HUWE1: variants seen among roughly 807,000 people sequenced by gnomAD.
HUWE1 encodes the protein HECT, UBA and WWE domain containing E3 ubiquitin protein ligase 1.
In HUWE1, 18 loss-of-function variants were observed where a neutral mutation model predicts 299.4. The observed-to-expected ratio is 0.06, with a 90% CI of 0.04 to 0.09. HUWE1 has a LOEUF of 0.09. HUWE1 is among the 10% of genes least tolerant of loss of function. HUWE1 has a pLI of 1.00. For missense variants in HUWE1, 1,832 were observed against 3,462.3 expected, an observed-to-expected ratio of 0.53 and a Z score of 11.82; for synonymous variants, 1,317 against 1,286.1, an observed-to-expected ratio of 1.02 and a Z score of -0.51.
Position 53,548,951 on chromosome X carries a change from AC to A in HUWE1, c.10035+7del. On this transcript the variant is annotated splice_region_variant and intron_variant, in intron 67 of 83. Transcript: ENST00000262854. ...TCCATCCCCAGGAGTTGGGTTTGAA[AC>A]CCTCACCTTGGCCAATTGAATGAGT... 8.4e-7 allele frequency: 1 copy of A among 1,186,191 alleles called. No individual in the cohort carries two copies. Among genetic ancestry groups the A allele is most frequent in the Non-Finnish European group, 1.1e-6 (1 of 882,021 alleles).
At chrX:53,661,794 T>C (rs782480298) in intron 3 of HUWE1, among the ~76,000 whole-genome samples, 1 of 111,957 alleles carries the variant, frequency 8.9e-6, no homozygotes, top group African/African-American at 3.2e-5. Flanking sequence ...TCAATACTTT[T>C]ATCTAATATT....
chrX:53,608,987 T>A, intron 23 of HUWE1, 78 bp from the exon 24 acceptor site: 1 of 619,397 alleles, frequency 1.6e-6, no homozygotes. Flanking sequence ...AGGCACTGTA[T>A]AAAATTCTAG....
chrX:53,663,867 G>C (rs1480731977), intron 3 of HUWE1, among the ~76,000 whole-genome samples: 3 of 107,041 alleles, frequency 2.8e-5, no homozygotes, highest in African/African-American at 1.0e-4. Flanking sequence ...GTCTGCCACA[G>C]GGTGGGAAAG....
chrX:53,535,496 T>C lies in HUWE1; in HGVS notation c.12537A>G (p.Gln4179=), dbSNP rs782352785. ...GYDLTFSTEV[Q]EFGVCEVRDL... is the part of the protein sequence containing the mutation. ...CACGAACTTCACAAACTCCAAACTC[T>C]TGGACCTAGAACAACCAAAACACCA... The change falls in exon 81 of 84, where the codon CAA becomes CAG. Residue 4179 remains glutamine (Q), a synonymous_variant. Coordinates refer to ENST00000262854, the MANE Select transcript of HUWE1 (RefSeq NM_031407.7). 1 of 1,176,355 alleles carries C rather than the reference T, an allele frequency of 8.5e-7. No individual in the cohort carries two copies. The highest frequency in any genetic ancestry group is 1.2e-6 in the Non-Finnish European group (1 of 863,903).
intron 29 of HUWE1, among the ~76,000 whole-genome samples, chrX:53,596,889 TAA>T (rs1371504327): frequency 8.9e-6 from 1 of 112,454 alleles, no homozygotes; most frequent in Non-Finnish European, 1.9e-5. Context: ...GAATTCAGTG[TAA>T]AGACCATTGT....
intron 29 of HUWE1, among the ~76,000 whole-genome samples, chrX:53,599,227 TCTTG>T (rs1400814108): frequency 2.7e-5 from 3 of 112,555 alleles, no homozygotes; most frequent in South Asian, 3.6e-4. Flanking sequence ...ATGAACATCT[TCTTG>T]CTTGGTCAAT....
At chrX:53,571,406 G>GT (rs1478660633) in intron 47 of HUWE1, among the ~76,000 whole-genome samples, 1 of 111,683 alleles carries the variant, frequency 9.0e-6, no homozygotes, top group African/African-American at 3.3e-5. Context: ...GAGGCCAGAA[G>GT]TTTGAGACCA....
chrX:53,566,033 C>T (rs2062516240), intron 49 of HUWE1, among the ~76,000 whole-genome samples: 2 of 105,452 alleles, frequency 1.9e-5, no homozygotes, highest in Admixed American at 2.1e-4. Context: ...ACCAGGTGCC[C>T]ACTAACACCA....
intron 3 of HUWE1, among the ~76,000 whole-genome samples, chrX:53,668,659 C>G (rs1387591541): frequency 9.0e-6 from 1 of 111,349 alleles, no homozygotes; most frequent in Non-Finnish European, 1.9e-5. Context: ...TTGTGCCCAG[C>G]AAAGAGTAAG....
intron 17 of HUWE1, 43 bp from the exon 18 acceptor site, chrX:53,625,301 T>A: frequency 1.1e-6 from 1 of 912,125 alleles, no homozygotes; most frequent in Non-Finnish European, 1.6e-6. Flanking sequence ...GAGTTCGCCA[T>A]TAAACCACAA....
Position 53,543,958 on chromosome X carries a change from A to G in HUWE1, c.11262T>C (p.Gly3754=), listed in dbSNP as rs781983604. 1.7e-6 allele frequency: 2 copies of G among 1,203,248 alleles called. No individual in the cohort carries two copies. Among genetic ancestry groups the G allele is most frequent in the South Asian group, 1.8e-5 (1 of 55,644 alleles). The stretch of plus-strand genomic sequence containing the variant: ...CCTGGATGCTGCTAGCTGAGCCTAA[A>G]CCGGAGGAACCTGGGAGAAAGAGAA... ...AKQTGRLGSS[G]LGSASSIQAA... Residue 3754 remains glycine, a synonymous_variant, in exon 73 of 84, where the codon GGT becomes GGC. Coordinates refer to ENST00000262854, the MANE Select transcript of HUWE1 (RefSeq NM_031407.7).
intron 12 of HUWE1, among the ~76,000 whole-genome samples, chrX:53,630,259 T>C (rs1211718066): frequency 8.9e-6 from 1 of 112,125 alleles, no homozygotes; most frequent in South Asian, 3.7e-4. Flanking sequence ...AAGAAACTCA[T>C]AGTTTAAGAG....
intron 60 of HUWE1, among the ~76,000 whole-genome samples, chrX:53,556,934 C>T (rs1230913456): frequency 2.7e-5 from 3 of 112,176 alleles, no homozygotes; most frequent in African/African-American, 6.5e-5. Context: ...GGCATTAAAG[C>T]TCCTTGATTT....
intron 55 of HUWE1, among the ~76,000 whole-genome samples, chrX:53,561,203 A>G (rs1345705531): frequency 9.0e-6 from 1 of 110,839 alleles, no homozygotes; most frequent in Non-Finnish European, 1.9e-5. Flanking sequence ...AGTTGTCAAG[A>G]CCTGCCCTAT....
At position 53,560,405 on chromosome X, in the gene HUWE1, G is replaced by A. The variant is rs1383309176; in HGVS notation, c.7519C>T (p.Pro2507Ser). Reference protein sequence around the residue: ...NMFSSATDIPPSPGNIPTTHP... With the variant: ...NMFSSATDIPSSPGNIPTTHP... ...GTGGTAGGGATATTTCCTGGGGATGGGGGGATGTCTGCTGCAAGGACAATA... is the reference window on the plus strand; with the variant it reads ...GTGGTAGGGATATTTCCTGGGGATGAGGGGATGTCTGCTGCAAGGACAATA... The change falls in exon 56 of 84, where the codon CCA (proline) becomes TCA (serine). Residue 2507 changes from proline (P) to serine (S), a missense_variant. Physicochemically the swap from Pro to Ser is moderately conservative, Grantham distance 74. Transcript: ENST00000262854. 3 of 1,207,111 alleles carry A rather than the reference G, an allele frequency of 2.5e-6. No homozygotes were observed. The highest frequency in any genetic ancestry group is 3.4e-6 in the Non-Finnish European group (3 of 893,043).
chrX:53,589,411 G>C, intron 36 of HUWE1, 136 bp downstream of exon 36: 1 of 621,776 alleles, frequency 1.6e-6, no homozygotes, highest in Non-Finnish European at 2.7e-6. Flanking sequence ...AGGATTACCA[G>C]ATCGAAAGAA....
At chrX:53,593,655 G>A in intron 31 of HUWE1, 54 bp from the exon 32 acceptor site, 4 of 969,432 alleles carry the variant, frequency 4.1e-6, no homozygotes, top group Non-Finnish European at 5.9e-6. Flanking sequence ...CCCTGGCAAG[G>A]GGGGTTTACA....
rs1205103946 is a variant in HUWE1, at chrX:53,532,322, C to T, written c.*987G>A. 3.6e-5 allele frequency: 4 copies of T among 110,846 alleles called. No individual in the cohort carries two copies. The highest frequency in any genetic ancestry group is 1.9e-4 in the Admixed American group (2 of 10,361). The allele number at this position is 110,846 out of a possible 1,213,427, so 9.1% of individuals were successfully genotyped here. ...CTTCTGGCGACCTAGTTAAATTACT[C>T]GCTTATTAAAATTTATTAGAAATAA... is the stretch of plus-strand genomic sequence containing the variant. On this transcript the variant is annotated 3_prime_UTR_variant, in exon 84 of 84. Transcript: ENST00000262854.
intron 30 of HUWE1, among the ~76,000 whole-genome samples, chrX:53,594,965 A>G (rs2064380324): frequency 8.9e-6 from 1 of 111,744 alleles, no homozygotes; most frequent in African/African-American, 3.3e-5. Context: ...TACCTATATA[A>G]GACCACTGAA....
Sources: allele counts gnomAD v4.1 joint callset (sites outside exome capture counted in the v4.1 genomes callset), GRCh38; gene constraint gnomAD v4.1.1; transcripts MANE v1.5; gene names NCBI Gene and HGNC (gene_info 2026-07-23, HGNC 2026-07-21).